Variants in CSNK1G2 observed in about 807,000 individuals in gnomAD.
The protein encoded by CSNK1G2 is casein kinase 1 gamma 2.
CSNK1G2 carries 11 observed loss-of-function variants against 48.0 expected under a neutral mutation model. The ratio of observed to expected loss-of-function variants is 0.23; its 90% CI spans 0.14 to 0.38. The LOEUF (loss-of-function observed/expected upper bound fraction) is 0.38, where lower values mean the gene tolerates loss of function less well. Among genes scored for constraint, CSNK1G2 ranks in the 10% least tolerant of loss-of-function variants. CSNK1G2 has a pLI of 1.00. For missense variants in CSNK1G2, 446 were observed against 595.5 expected, an observed-to-expected ratio of 0.75 and a Z score of 2.61; for synonymous variants, 337 against 254.1, an observed-to-expected ratio of 1.33 and a Z score of -3.10.
At position 1,978,395 on chromosome 19, in the gene CSNK1G2, T is replaced by G. The variant is rs1225508028; in HGVS notation, c.229-47T>G. ...CCCGCTGACGTGCCCCCCAGGGATT[T>G]CAGGGCAGCGACCCGGTCCCCTGGT... is the stretch of plus-strand genomic sequence containing the variant. On this transcript the variant is annotated intron_variant, in intron 3 of 11. Transcript: ENST00000255641. This position sits in a 1 kb window ranked among gnomAD's most constrained non-coding sequence, Gnocchi z 7.3. 6.2e-7 allele frequency: 1 copy of G among 1,612,106 alleles called. No homozygotes were observed. Among genetic ancestry groups the G allele is most frequent in the African/African-American group, 1.3e-5 (1 of 74,830 alleles).
chr19:1,975,632 G>A (rs1341094483), intron 2 of CSNK1G2: 23 of 985,330 alleles, frequency 2.3e-5, no homozygotes, highest in Non-Finnish European at 1.7e-5. Flanking sequence ...CACCTCCGAA[G>A]GGCAGCGCAG....
At chr19:1,979,289 G>T in intron 7 of CSNK1G2, 30 bp from the exon 8 acceptor site, 4 of 1,578,606 alleles carry the variant, frequency 2.5e-6, no homozygotes, top group Non-Finnish European at 3.4e-6. Flanking sequence ...GACGCAGGGC[G>T]GGAGCAAGGC....
At chr19:1,946,294 T>TTTATTATTTATTTATTTAC (rs1555678395) in intron 1 of CSNK1G2, among the ~76,000 whole-genome samples, 1 of 148,390 alleles carries the variant, frequency 6.7e-6, no homozygotes, top group Non-Finnish European at 1.5e-5. Context: ...TTATTTTTTA[T>TTTATTATTTATTTATTTAC]TTATTTATTT....
intron 1 of CSNK1G2, among the ~76,000 whole-genome samples, chr19:1,949,797 C>G (rs74669139): frequency 0.014 from 2,147 of 152,342 alleles, 47 homozygotes; most frequent in African/African-American, 0.048. Flanking sequence ...TTTCTCCTGT[C>G]CTTCGGCCCG....
At chr19:1,947,171 C>T (rs1437774964) in intron 1 of CSNK1G2, among the ~76,000 whole-genome samples, 2 of 152,136 alleles carry the variant, frequency 1.3e-5, no homozygotes, top group South Asian at 2.1e-4. Flanking sequence ...AAAGGTAATC[C>T]CTCAATTATC....
In CSNK1G2 at chr19:1,975,429, G is replaced by A. The variant is rs138045848; in HGVS notation, c.188-2876G>A. ...GAAGAGCTACACAGCCGTGTTCGCC[G>A]GAACTCCGCTCTGGAGAGTCAGAAC... On this transcript the variant is annotated intron_variant, in intron 2 of 11. Transcript: ENST00000255641. The A allele has an allele frequency of 4.1e-5, 40 of 985,474 alleles. No homozygotes were observed. The East Asian group carries it at 1.1e-3, about 28-fold the overall frequency. The allele number at this position is 985,474 out of a possible 1,614,324, so 61.0% of individuals were successfully genotyped here. A position where few individuals can be genotyped will look rare whatever the true frequency, so the allele number is the denominator to read the frequency against.
chr19:1,958,092 G>A (rs1599299674), intron 1 of CSNK1G2, among the ~76,000 whole-genome samples: 1 of 152,100 alleles, frequency 6.6e-6, no homozygotes, highest in African/African-American at 2.4e-5. Flanking sequence ...GCTGAGTAAG[G>A]GGCCCCTCCC....
At chr19:1,973,868 C>T (rs2015660709) in intron 2 of CSNK1G2, among the ~76,000 whole-genome samples, 1 of 152,054 alleles carries the variant, frequency 6.6e-6, no homozygotes, top group Non-Finnish European at 1.5e-5. Flanking sequence ...ATGCCACAGA[C>T]TGGGTCATTT....
chr19:1,942,517 C>T (rs2014405191), intron 1 of CSNK1G2: 1 of 152,392 alleles, frequency 6.6e-6, no homozygotes, highest in Admixed American at 6.5e-5. Flanking sequence ...CCATGTGGGG[C>T]TCTGCCTCCC....
intron 1 of CSNK1G2, among the ~76,000 whole-genome samples, chr19:1,943,247 C>T (rs1225093302): frequency 1.3e-5 from 2 of 152,262 alleles, no homozygotes; most frequent in South Asian, 2.1e-4. Context: ...CCTGCTGTGC[C>T]TTCGGACTTC....
intron 2 of CSNK1G2, chr19:1,975,421 T>C (rs2015719367): frequency 1.0e-6 from 1 of 985,330 alleles, no homozygotes; most frequent in Admixed American, 6.1e-5. Context: ...TACACAGCCG[T>C]GTTCGCCGGA....
chr19:1,977,395 C>A (rs1194440878), intron 2 of CSNK1G2, among the ~76,000 whole-genome samples: 1 of 152,214 alleles, frequency 6.6e-6, no homozygotes, highest in African/African-American at 2.4e-5. Flanking sequence ...TCCACAGCTG[C>A]CCCTGCAGAG....
intron 2 of CSNK1G2, among the ~76,000 whole-genome samples, chr19:1,976,639 T>C (rs1427020559): frequency 1.3e-5 from 2 of 152,186 alleles, no homozygotes; most frequent in African/African-American, 4.8e-5. Context: ...TTTGGGACTT[T>C]GAATCCACCT....
Position 1,951,553 on chromosome 19 carries a change from G to A in CSNK1G2, c.-266+10135G>A, listed in dbSNP as rs561438763. 8.9e-5 allele frequency among the ~76,000 whole-genome samples: 13 copies of A among 146,310 alleles called. 2 individuals carry two copies. The East Asian group carries it at 1.9e-3, about 21-fold the overall frequency. On this transcript the variant is annotated intron_variant, in intron 1 of 11. Transcript: ENST00000255641. ...CAGCACCAGCTGTGGTGTGCATGAC[G>A]GACAGGGGTCCCAGTTGGGGGGTGC...
rs1344888229 is a variant in CSNK1G2 at position 1,957,024 on chromosome 19, G to A, written c.-265-12484G>A. Among the ~76,000 whole-genome samples, 1 of 152,202 alleles carries A rather than the reference G, an allele frequency of 6.6e-6. No individual in the cohort carries two copies. The highest frequency in any genetic ancestry group is 1.5e-5 in the Non-Finnish European group (1 of 68,034). On this transcript the variant is annotated intron_variant, in intron 1 of 11. Coordinates refer to ENST00000255641, the MANE Select transcript of CSNK1G2 (RefSeq NM_001319.7). The surrounding 1 kb of genome is among the most constrained non-coding windows in gnomAD (Gnocchi z 5.4). The stretch of plus-strand genomic sequence containing the variant: ...AGGGGATTCTGCAGAGGGAAGGCTG[G>A]TGGTGGCGCCCCCCTTCGACGGTCG...
Position 1,978,574 on chromosome 19 carries a change from ACGCCCGTG to A in CSNK1G2, c.299-25_299-18del, listed in dbSNP as rs1180208836. 6.3e-7 allele frequency: 1 copy of A among 1,575,312 alleles called. No individual in the cohort carries two copies. The highest frequency in any genetic ancestry group is 8.6e-7 in the Non-Finnish European group (1 of 1,161,216). ...GGGGCAGGGAGGGGGCTGCCGCCGC[ACGCCCGTG>A]CGTCTGTCCTCCGCCGCAGAGGGCG... On this transcript the variant is annotated intron_variant, in intron 4 of 11. Coordinates refer to ENST00000255641, the MANE Select transcript of CSNK1G2 (RefSeq NM_001319.7). The surrounding 1 kb of genome is among the most constrained non-coding windows in gnomAD (Gnocchi z 7.3).
intron 1 of CSNK1G2, chr19:1,952,850 C>G (rs760275133): frequency 5.2e-6 from 2 of 384,908 alleles, no homozygotes; most frequent in Non-Finnish European, 5.1e-6. Context: ...CCTGCTGTGC[C>G]CTTCACTCTG....
chr19:1,947,985 T>C (rs1302702086), intron 1 of CSNK1G2, among the ~76,000 whole-genome samples: 1 of 151,946 alleles, frequency 6.6e-6, no homozygotes, highest in Non-Finnish European at 1.5e-5. Context: ...GGCACTGGCC[T>C]CTCCTTCCTG....
intron 2 of CSNK1G2, 53 bp downstream of exon 2, chr19:1,970,012 C>T: frequency 7.8e-7 from 1 of 1,277,752 alleles, no homozygotes; most frequent in Non-Finnish European, 9.9e-7. Flanking sequence ...GCAGGGCCGC[C>T]CCGAGTCACC....
Sources: allele counts gnomAD v4.1 joint callset (sites outside exome capture counted in the v4.1 genomes callset), GRCh38; gene constraint gnomAD v4.1.1; non-coding constraint Gnocchi (gnomAD v3.1); transcripts MANE v1.5; gene names NCBI Gene and HGNC (gene_info 2026-07-23, HGNC 2026-07-21).